TENT5D: variants seen among roughly 807,000 people sequenced by gnomAD.
TENT5D encodes the protein terminal nucleotidyltransferase 5D, also known as cancer/testis antigen 112.
For missense variants in TENT5D, 191 were observed against 287.0 expected, an observed-to-expected ratio of 0.67 and a Z score of 2.42; for synonymous variants, 103 against 100.6, an observed-to-expected ratio of 1.02 and a Z score of -0.15.
Position 80,359,632 on chromosome X carries a change from A to G in TENT5D, c.-142+17068A>G, listed in dbSNP as rs1310970986. Among the ~76,000 whole-genome samples, 4 of 110,531 alleles carry G rather than the reference A, an allele frequency of 3.6e-5. No homozygotes were observed. The South Asian group carries it at 1.2e-3, about 33-fold the overall frequency. ...AGGGGAACATCACACACCAGGGCCT[A>G]TTGGGGGGTAGGGGGCTAGGGGAGG... On this transcript the variant is annotated intron_variant, in intron 3 of 4. Coordinates refer to the TENT5D transcript ENST00000538312.
chrX:80,429,341 C>T (rs1341457717), intron 1 of TENT5D, among the ~76,000 whole-genome samples: 4 of 111,163 alleles, frequency 3.6e-5, no homozygotes, highest in African/African-American at 6.6e-5. Context: ...CTTGTTTTGT[C>T]GCCCAGGCTG....
intron 3 of TENT5D, among the ~76,000 whole-genome samples, chrX:80,396,312 T>C (rs1394436120): frequency 9.0e-6 from 1 of 110,597 alleles, no homozygotes; most frequent in African/African-American, 3.3e-5. Flanking sequence ...TCTTGGGTGT[T>C]TCTCACAGAG....
At chrX:80,337,475 C>A (rs1929873268) in intron 2 of TENT5D, among the ~76,000 whole-genome samples, 1 of 111,518 alleles carries the variant, frequency 9.0e-6, no homozygotes, top group African/African-American at 3.3e-5. Context: ...TTTAGTGATG[C>A]CTATTTTTTA....
chrX:80,391,199 A>C lies in TENT5D; in HGVS notation c.-141-47411A>C, dbSNP rs773146965. ...AGGTCTCTGCCTACACAGGACATTC[A>C]GTGTGACAGTGTGATAATTGAGAAA... On this transcript the variant is annotated intron_variant, in intron 3 of 4. Coordinates refer to the TENT5D transcript ENST00000538312. Among the ~76,000 whole-genome samples, 10 of 111,937 alleles carry C rather than the reference A, an allele frequency of 8.9e-5. No homozygotes were observed. In the South Asian group the frequency reaches 3.7e-3, roughly 42 times the overall value.
chrX:80,344,443 T>C (rs2147513033), intron 3 of TENT5D, among the ~76,000 whole-genome samples: 1 of 110,969 alleles, frequency 9.0e-6, no homozygotes, highest in African/African-American at 3.3e-5. Context: ...CCCTTTTCTC[T>C]GCAAACTCAC....
intron 3 of TENT5D, among the ~76,000 whole-genome samples, chrX:80,403,548 T>G (rs1432251958): frequency 8.9e-6 from 1 of 112,406 alleles, no homozygotes; most frequent in Non-Finnish European, 1.9e-5. Context: ...GGATAATTCT[T>G]TGTTGTGGCA....
Position 80,429,810 on chromosome X carries a change from T to C in TENT5D, c.-141-8800T>C, listed in dbSNP as rs1441038077. ...TTGATACCAGGGGCTTCCTGAGTAATAAATACATCTTTTAAGATTATCTGT... is the reference window on the plus strand; with the variant it reads ...TTGATACCAGGGGCTTCCTGAGTAACAAATACATCTTTTAAGATTATCTGT... On this transcript the variant is annotated intron_variant, in intron 1 of 2. Transcript: ENST00000308293. Among the ~76,000 whole-genome samples, 3 of 111,548 alleles carry C rather than the reference T, an allele frequency of 2.7e-5. No individual in the cohort carries two copies. In the Admixed American group the frequency reaches 2.9e-4, roughly 11 times the overall value.
intron 2 of TENT5D, among the ~76,000 whole-genome samples, chrX:80,337,726 G>A (rs752837950): frequency 9.0e-6 from 1 of 111,660 alleles, no homozygotes; most frequent in Admixed American, 9.5e-5. Flanking sequence ...TAATGATTAA[G>A]GTTAACTTTT....
upstream of TENT5D, among the ~76,000 whole-genome samples, chrX:80,419,932 C>T (rs1339762730): frequency 1.8e-5 from 2 of 111,627 alleles, no homozygotes; most frequent in South Asian, 3.7e-4. Context: ...CCAGGCTAGT[C>T]TTGAACTCCT....
At chrX:80,409,218 T>C (rs1931578226) in intron 3 of TENT5D, among the ~76,000 whole-genome samples, 2 of 111,068 alleles carry the variant, frequency 1.8e-5, no homozygotes, top group Non-Finnish European at 3.8e-5. Flanking sequence ...TCACCACTCC[T>C]ATTCAACGTA....
At chrX:80,401,884 T>C (rs1329344255) in intron 3 of TENT5D, among the ~76,000 whole-genome samples, 1 of 112,130 alleles carries the variant, frequency 8.9e-6, no homozygotes, top group Non-Finnish European at 1.9e-5. Context: ...ACATTCTTCA[T>C]TTGGCATTGG....
intron 3 of TENT5D, among the ~76,000 whole-genome samples, chrX:80,397,313 C>A (rs1015113471): frequency 9.4e-6 from 1 of 106,173 alleles, no homozygotes; most frequent in Non-Finnish European, 1.9e-5. Context: ...CAGAGGCGCT[C>A]CCCACATCTC....
At chrX:80,444,307 G>A (rs1173831955) in exon 3 of TENT5D, 1 of 122,036 alleles carries the variant, frequency 8.2e-6, no homozygotes, top group African/African-American at 3.3e-5. Flanking sequence ...TCCTACTATA[G>A]TTTAAAGGAA....
chrX:80,394,836 C>A (rs1330494380), intron 3 of TENT5D, among the ~76,000 whole-genome samples: 2 of 111,842 alleles, frequency 1.8e-5, no homozygotes, highest in Non-Finnish European at 3.8e-5. Flanking sequence ...TAGTGTATCT[C>A]TCATCTCAAA....
intron 3 of TENT5D, among the ~76,000 whole-genome samples, chrX:80,368,178 T>C (rs771425018): frequency 2.5e-4 from 28 of 111,517 alleles, no homozygotes; most frequent in African/African-American, 8.8e-4. Context: ...CTGAAACTAG[T>C]TGAAGAAAAG....
intron 3 of TENT5D, among the ~76,000 whole-genome samples, chrX:80,406,117 G>A (rs1931488332): frequency 9.1e-6 from 1 of 110,496 alleles, no homozygotes; most frequent in Admixed American, 9.6e-5. Context: ...CATCATCAAA[G>A]ACCAAAAGTA....
intron 3 of TENT5D, among the ~76,000 whole-genome samples, chrX:80,407,176 G>C (rs865852276): frequency 1.1e-3 from 116 of 108,537 alleles, no homozygotes; most frequent in African/African-American, 3.6e-3. Context: ...TCGAGACTAG[G>C]AAGAAACTGC....
Position 80,379,107 on chromosome X carries a change from T to A in TENT5D, c.-142+36543T>A, listed in dbSNP as rs1223741416. ...GTTGAATTTTGTCGAAGGCCTTTTCTGCATTCTCTTGCAGAAAAGGCCTTT... is the reference window on the plus strand; with the variant it reads ...GTTGAATTTTGTCGAAGGCCTTTTCAGCATTCTCTTGCAGAAAAGGCCTTT... On this transcript the variant is annotated intron_variant, in intron 3 of 4. Coordinates refer to the TENT5D transcript ENST00000538312. Among the ~76,000 whole-genome samples, 26 of 103,090 alleles carry A rather than the reference T, an allele frequency of 2.5e-4. No individual in the cohort carries two copies. In the East Asian group the frequency reaches 8.1e-3, roughly 32 times the overall value. 89.5% of individuals were successfully genotyped at this position (103,090 alleles called of 115,157 possible). A position where few individuals can be genotyped will look rare whatever the true frequency, so the allele number is the denominator to read the frequency against.
At chrX:80,391,727 T>C (rs1364241618) in intron 3 of TENT5D, among the ~76,000 whole-genome samples, 1 of 112,414 alleles carries the variant, frequency 8.9e-6, no homozygotes, top group African/African-American at 3.2e-5. Flanking sequence ...AACTTAAAAG[T>C]GGTGGTAAAA....
Sources: gnomAD v4.1 joint callset for allele counts (sites outside exome capture counted in the v4.1 genomes callset) on GRCh38, gnomAD v4.1.1 for gene constraint, MANE v1.5 for transcripts, NCBI Gene and HGNC (gene_info 2026-07-23, HGNC 2026-07-21) for gene names.